Variants in AP1G1 observed in about 807,000 individuals in gnomAD.
AP1G1 encodes the protein AP-1 complex subunit gamma-1.
AP1G1 carries 7 observed loss-of-function variants against 108.3 expected under a neutral mutation model. That is an observed-to-expected ratio of 0.06 (90% CI 0.04 to 0.12). AP1G1 has a LOEUF of 0.12. Among genes scored for constraint, AP1G1 ranks in the 10% least tolerant of loss-of-function variants. The probability of loss-of-function intolerance (pLI) is 1.00; values close to 1 mark genes in which losing one functional copy is unlikely to be tolerated. For synonymous variants in AP1G1, 379 were observed against 353.5 expected, an observed-to-expected ratio of 1.07 and a Z score of -0.81; for missense variants, 756 against 1,010.7, an observed-to-expected ratio of 0.75 and a Z score of 3.42.
Position 71,765,569 on chromosome 16 carries a change from C to T in AP1G1, c.658G>A (p.Val220Ile), listed in dbSNP as rs1412020371. The change falls in exon 7 of 23, where the codon GTT becomes ATT. Residue 220 changes from valine (V) to isoleucine (I), a missense_variant. Around this residue, in one of 3 missense-constraint regions of AP1G1, gnomAD observed 304 missense variants for 483.6 expected, o/e 0.63. Coordinates refer to ENST00000299980, the MANE Select transcript of AP1G1 (RefSeq NM_001128.6). ...ATGATGAGGTTCTTTAAAATACGAA[C>T]TAATTGGGGCACAAGCTGCAGAGAA... The part of the protein sequence containing the change: ...AHFRKLVPQL[V>I]RILKNLIMSG... 2 of 1,612,384 alleles carry T rather than the reference C, an allele frequency of 1.2e-6. No homozygotes were observed. The highest frequency in any genetic ancestry group is 3.3e-4 in the Middle Eastern group (2 of 6,048).
intron 2 of AP1G1, among the ~76,000 whole-genome samples, chr16:71,779,905 G>A (rs992386904): frequency 6.6e-6 from 1 of 151,744 alleles, no homozygotes; most frequent in African/African-American, 2.4e-5. Flanking sequence ...TATTCCTTAA[G>A]CCCAGGAGCT....
At chr16:71,805,416 A>C (rs2032966034) in intron 1 of AP1G1, among the ~76,000 whole-genome samples, 1 of 152,172 alleles carries the variant, frequency 6.6e-6, no homozygotes, top group Non-Finnish European at 1.5e-5. Flanking sequence ...GAGCCACTGC[A>C]CTCCAGCCTG....
At chr16:71,808,232 G>A (rs1328952036) in intron 1 of AP1G1, 9 of 1,083,632 alleles carry the variant, frequency 8.3e-6, no homozygotes, top group Non-Finnish European at 9.1e-6. Flanking sequence ...ACGAAAAATT[G>A]GGAAAGAAGT....
chr16:71,801,263 G>C (rs1440264889), intron 1 of AP1G1, among the ~76,000 whole-genome samples: 1 of 151,392 alleles, frequency 6.6e-6, no homozygotes, highest in Admixed American at 6.6e-5. Context: ...CTGGGTGACA[G>C]GGTAAGACTC....
At chr16:71,741,706 A>G (rs1261838485) in intron 19 of AP1G1, among the ~76,000 whole-genome samples, 2 of 152,236 alleles carry the variant, frequency 1.3e-5, no homozygotes, top group African/African-American at 4.8e-5. Context: ...GCAGATTATC[A>G]ATGAAGCAGA....
At chr16:71,733,211 A>T (rs1420584179) in intron 22 of AP1G1, 52 bp from the exon 23 acceptor site, 1 of 1,415,398 alleles carries the variant, frequency 7.1e-7, no homozygotes, top group Non-Finnish European at 9.9e-7. Flanking sequence ...AAATCTCCAG[A>T]ATCTGTCCGG....
chr16:71,735,914 TG>T (rs2045529350), intron 21 of AP1G1, among the ~76,000 whole-genome samples: 1 of 150,628 alleles, frequency 6.6e-6, no homozygotes, highest in Admixed American at 6.6e-5. Flanking sequence ...GCAGATCACC[TG>T]AGGTCAGGAG....
intron 2 of AP1G1, 150 bp from the exon 3 acceptor site, chr16:71,774,742 C>T (rs548772743): frequency 1.7e-5 from 15 of 872,058 alleles, no homozygotes; most frequent in East Asian, 1.3e-4. Context: ...TTTTTTGAGA[C>T]GGGGTTTCGC....
rs1002186142 is a variant in AP1G1 at position 71,773,048 on chromosome 16, C to T, written c.468+173G>A. 4 of 782,656 alleles carry T rather than the reference C, an allele frequency of 5.1e-6. No homozygotes were observed. In the African/African-American group the frequency reaches 6.9e-5, roughly 13 times the overall value. 48.5% of individuals were successfully genotyped at this position (782,656 alleles called of 1,614,324 possible). On this transcript the variant is annotated intron_variant, in intron 4 of 22. Transcript: ENST00000299980. Reference sequence around the variant, plus strand: ...CAGTAACATTTGTTTGTTTATAAATCATTTCCTTAAGAAAAGAGGAATTAA... The same window carrying T: ...CAGTAACATTTGTTTGTTTATAAATTATTTCCTTAAGAAAAGAGGAATTAA...
At chr16:71,742,533 T>C (rs1295144587) in intron 19 of AP1G1, 5 of 152,254 alleles carry the variant, frequency 3.3e-5, no homozygotes, top group Non-Finnish European at 5.9e-5. Flanking sequence ...CTCACAAATA[T>C]CTTATGGAGT....
rs949632077 is a variant in AP1G1, at chr16:71,749,952, A to G, written c.1439T>C (p.Ile480Thr). The G allele has an allele frequency of 1.9e-6, 3 of 1,613,554 alleles. No homozygotes were observed. Among genetic ancestry groups the G allele is most frequent in the Non-Finnish European group, 2.5e-6 (3 of 1,179,478 alleles). ...TACAAGAAGATCACCATATTCACCT[A>G]TACACCATGCAGCCACTTGTACCAA... is the stretch of plus-strand genomic sequence containing the variant. The part of the protein sequence containing the change: ...QPLVQVAAWC[I>T]GEYGDLLVSG... Residue 480 changes from isoleucine (I) to threonine (T), a missense_variant, in exon 15 of 23, where the codon ATA (isoleucine) becomes ACA (threonine). Physicochemically the swap from Ile to Thr is moderately conservative, Grantham distance 89. Around this residue, in one of 3 missense-constraint regions of AP1G1, gnomAD observed 357 missense variants for 366.5 expected, o/e 0.97. Transcript: ENST00000299980.
rs140112029 is a variant in AP1G1 at position 71,808,104 on chromosome 16, G to A, written c.-4+659C>T. 5.2e-4 allele frequency: 604 copies of A among 1,154,196 alleles called. 3 individuals carry two copies. The African/African-American group carries it at 8.7e-3, about 17-fold the overall frequency. The allele number at this position is 1,154,196 out of a possible 1,614,324, so 71.5% of individuals were successfully genotyped here. A position where few individuals can be genotyped will look rare whatever the true frequency, so the allele number is the denominator to read the frequency against. ...CCGTCCCGACTCTTTCAGGCAATCA[G>A]GAAGACCGGGAGAATTATTAGACGC... On this transcript the variant is annotated intron_variant, in intron 1 of 22. Coordinates refer to ENST00000299980, the MANE Select transcript of AP1G1 (RefSeq NM_001128.6).
intron 1 of AP1G1, among the ~76,000 whole-genome samples, chr16:71,798,644 T>C (rs1451723558): frequency 4.0e-5 from 6 of 151,858 alleles, no homozygotes; most frequent in Non-Finnish European, 7.4e-5. Flanking sequence ...TCCCAGCACT[T>C]TGGAAGGCAG....
Position 71,761,535 on chromosome 16 carries a change from T to C in AP1G1, c.951A>G (p.Leu317=), listed in dbSNP as rs1296532970. ...ACCTAATATTCTTGTCATTGTTCAA[T>C]AAGAAACGACCCAGGATATTTATGG... The part of the protein sequence containing the change: ...VLAINILGRF[L]LNNDKNIRYV... Residue 317 remains leucine (L), a synonymous_variant, in exon 10 of 23, where the codon TTA becomes TTG. Coordinates refer to ENST00000299980, the MANE Select transcript of AP1G1 (RefSeq NM_001128.6). 1 of 1,606,326 alleles carries C rather than the reference T, an allele frequency of 6.2e-7. No homozygotes were observed. Among genetic ancestry groups the C allele is most frequent in the African/African-American group, 1.3e-5 (1 of 74,798 alleles).
chr16:71,808,777 G>C lies in AP1G1; in HGVS notation c.-18C>G, dbSNP rs1445685147. ...GTGACACTCACCGGCCCGAAACCTC[G>C]AATGAAACCAGCAGCTCCGGGGGCG... On this transcript the variant is annotated 5_prime_UTR_variant, in exon 1 of 23. Coordinates refer to ENST00000299980, the MANE Select transcript of AP1G1 (RefSeq NM_001128.6). 7.8e-7 allele frequency: 1 copy of C among 1,289,526 alleles called. No homozygotes were observed. Among genetic ancestry groups the C allele is most frequent in the South Asian group, 1.2e-5 (1 of 81,018 alleles). The allele number at this position is 1,289,526 out of a possible 1,614,324, so 79.9% of individuals were successfully genotyped here.
At chr16:71,791,837 C>A (rs1313668010) in intron 1 of AP1G1, among the ~76,000 whole-genome samples, 2 of 148,720 alleles carry the variant, frequency 1.3e-5, no homozygotes, top group East Asian at 4.0e-4. Flanking sequence ...TCTCGGCTCA[C>A]TGCAACCTCC....
At chr16:71,790,613 G>T (rs550548401) in intron 1 of AP1G1, among the ~76,000 whole-genome samples, 1 of 151,728 alleles carries the variant, frequency 6.6e-6, no homozygotes, top group Non-Finnish European at 1.5e-5. Context: ...TTAACAAAGA[G>T]GCCAAAGTTA....
At chr16:71,792,983 C>A (rs913125941) in intron 1 of AP1G1, among the ~76,000 whole-genome samples, 1 of 151,940 alleles carries the variant, frequency 6.6e-6, no homozygotes, top group Non-Finnish European at 1.5e-5. Context: ...GCCTGGGCGA[C>A]ATGCTGAAAC....
chr16:71,801,035 G>A (rs191775542), intron 1 of AP1G1, among the ~76,000 whole-genome samples: 61 of 152,206 alleles, frequency 4.0e-4, no homozygotes, highest in Non-Finnish European at 6.2e-4. Context: ...GGCTGGGCGC[G>A]GTGGCTCATG....
Sources: gnomAD v4.1 joint callset for allele counts (sites outside exome capture counted in the v4.1 genomes callset) on GRCh38, gnomAD v4.1.1 for gene constraint, gnomAD v4.1.1 regional missense constraint, MANE v1.5 for transcripts, NCBI Gene and HGNC (gene_info 2026-07-23, HGNC 2026-07-21) for gene names.